PTPRA: variants seen among roughly 807,000 people sequenced by gnomAD.
PTPRA encodes the protein protein tyrosine phosphatase receptor type A, also known as receptor-type tyrosine-protein phosphatase alpha.
In PTPRA, 25 loss-of-function variants were observed where a neutral mutation model predicts 104.8. The observed-to-expected ratio is 0.24, with a 90% CI of 0.17 to 0.33. The LOEUF is 0.33. Among genes scored for constraint, PTPRA ranks in the 10% least tolerant of loss-of-function variants. The pLI is 1.00. For synonymous variants in PTPRA, 323 were observed against 368.9 expected (o/e 0.88, Z 1.43); for missense variants, 765 against 1,015.3 (o/e 0.75, Z 3.35).
intron 1 of PTPRA, among the ~76,000 whole-genome samples, chr20:2,874,641 G>A (rs1244780456): frequency 6.6e-6 from 1 of 152,148 alleles, no homozygotes; most frequent in Non-Finnish European, 1.5e-5. Context: ...GATGGTGGGC[G>A]AGAGGAGGAC....
chr20:3,036,829 C>G (rs2065822759), intron 22 of PTPRA, among the ~76,000 whole-genome samples: 1 of 152,204 alleles, frequency 6.6e-6, no homozygotes, highest in Non-Finnish European at 1.5e-5. Flanking sequence ...AGGACTAGAG[C>G]TAGTTCTAAC....
chr20:2,958,852 A>T (rs1568669811), intron 3 of PTPRA, among the ~76,000 whole-genome samples: 2 of 150,616 alleles, frequency 1.3e-5, no homozygotes, highest in Non-Finnish European at 3.0e-5. Context: ...ATCAAAAAAA[A>T]AAAAAAAAAA....
chr20:2,868,620 T>C (rs2089390670), upstream of PTPRA, among the ~76,000 whole-genome samples: 1 of 26,568 alleles, frequency 3.8e-5, no homozygotes, highest in Non-Finnish European at 6.5e-5. Flanking sequence ...ATTCTGGGCT[T>C]TTTTTTTTTT....
At chr20:2,896,034 G>C (rs2058984921) in intron 1 of PTPRA, among the ~76,000 whole-genome samples, 1 of 151,756 alleles carries the variant, frequency 6.6e-6, no homozygotes, top group South Asian at 2.1e-4. Flanking sequence ...GTTTTTTCTA[G>C]TTATCTTTTT....
chr20:2,907,019 T>C (rs2059450617), intron 1 of PTPRA, among the ~76,000 whole-genome samples: 1 of 152,204 alleles, frequency 6.6e-6, no homozygotes, highest in Non-Finnish European at 1.5e-5. Context: ...TAAGAAACTA[T>C]ATCCACTGCA....
intron 3 of PTPRA, among the ~76,000 whole-genome samples, chr20:2,963,461 G>A (rs1743838671): frequency 6.6e-6 from 1 of 151,934 alleles, no homozygotes; most frequent in Non-Finnish European, 1.5e-5. Context: ...GGGCATGGTG[G>A]CACATGCCTC....
intron 1 of PTPRA, among the ~76,000 whole-genome samples, chr20:2,895,345 A>G (rs1205370296): frequency 6.6e-6 from 1 of 151,732 alleles, no homozygotes; most frequent in Non-Finnish European, 1.5e-5. Context: ...CAAAGTGCAT[A>G]AGTGCTGGGA....
chr20:3,011,246 G>A (rs1048956889), intron 11 of PTPRA, among the ~76,000 whole-genome samples: 1 of 152,194 alleles, frequency 6.6e-6, no homozygotes, highest in African/African-American at 2.4e-5. Context: ...CAAAAGCAGG[G>A]AAAAACCTGT....
intron 9 of PTPRA, among the ~76,000 whole-genome samples, chr20:2,997,816 A>T (rs1198437386): frequency 6.6e-6 from 1 of 152,236 alleles, no homozygotes; most frequent in Non-Finnish European, 1.5e-5. Flanking sequence ...AAGGTTTAAA[A>T]AGAAACAAAA....
At chr20:2,922,135 T>C (rs2060120688) in intron 1 of PTPRA, among the ~76,000 whole-genome samples, 1 of 152,186 alleles carries the variant, frequency 6.6e-6, no homozygotes, top group African/African-American at 2.4e-5. Context: ...TATGGTGGCA[T>C]AGTCCAAGTT....
intron 17 of PTPRA, 93 bp from the exon 18 acceptor site, chr20:3,026,594 A>T: frequency 1.1e-6 from 1 of 895,408 alleles, no homozygotes; most frequent in Non-Finnish European, 1.8e-6. Flanking sequence ...ATGGAGCCAG[A>T]GTGGCCTGGA....
chr20:3,008,828 C>CT (rs924214139), intron 11 of PTPRA, among the ~76,000 whole-genome samples: 3 of 150,820 alleles, frequency 2.0e-5, no homozygotes, highest in Admixed American at 2.0e-4. Context: ...CAGAGAATTG[C>CT]TTGAACCCGG....
At chr20:2,902,875 T>C (rs1006085210) in intron 1 of PTPRA, among the ~76,000 whole-genome samples, 1 of 152,156 alleles carries the variant, frequency 6.6e-6, no homozygotes, top group African/African-American at 2.4e-5. Context: ...AACCCACTAA[T>C]GAAATGAAAA....
At chr20:2,867,690 C>T in the PTPRA span, among the ~76,000 whole-genome samples, 2 of 152,210 alleles carry the variant, frequency 1.3e-5, no homozygotes, top group African/African-American at 2.4e-5. Flanking sequence ...TTTCCTTTGT[C>T]GCCCCCACTT....
At chr20:2,932,197 C>T (rs1164197321) in intron 2 of PTPRA, among the ~76,000 whole-genome samples, 1 of 152,078 alleles carries the variant, frequency 6.6e-6, no homozygotes, top group Non-Finnish European at 1.5e-5. Flanking sequence ...AGAATGAAAA[C>T]TGAGGGCAGG....
chr20:2,976,480 T>C (rs950236280), intron 6 of PTPRA, among the ~76,000 whole-genome samples: 3 of 152,214 alleles, frequency 2.0e-5, no homozygotes, highest in African/African-American at 4.8e-5. Context: ...ATTTAAGTAG[T>C]TTCCATGTTG....
chr20:3,036,728 G>T (rs1039244776), intron 22 of PTPRA, among the ~76,000 whole-genome samples: 1 of 152,234 alleles, frequency 6.6e-6, no homozygotes, highest in Non-Finnish European at 1.5e-5. Flanking sequence ...TCTGGATTCC[G>T]TGGATTTGGG....
At chr20:2,897,388 T>TC (rs1468574021) in intron 1 of PTPRA, among the ~76,000 whole-genome samples, 18 of 146,586 alleles carry the variant, frequency 1.2e-4, no homozygotes, top group Non-Finnish European at 1.6e-4. Flanking sequence ...GCATTTCTTT[T>TC]TTTTTTTTTT....
intron 3 of PTPRA, among the ~76,000 whole-genome samples, chr20:2,954,921 A>G (rs2061483439): frequency 6.6e-6 from 1 of 152,098 alleles, no homozygotes; most frequent in South Asian, 2.1e-4. Context: ...GTAGATATAC[A>G]GTTTTCTGAG....
Sources: gnomAD v4.1 joint callset for allele counts (sites outside exome capture counted in the v4.1 genomes callset) on GRCh38, gnomAD v4.1.1 for gene constraint, MANE v1.5 for transcripts, NCBI Gene and HGNC (gene_info 2026-07-23, HGNC 2026-07-21) for gene names.